The following ULK4 variants were observed in gnomAD, a reference collection of about 807,000 sequenced individuals.
ULK4 encodes unc-51 like kinase 4.
In ULK4, 133 loss-of-function variants were observed where a neutral mutation model predicts 160.6. That is an observed-to-expected ratio of 0.83 (90% CI 0.72 to 0.96). The LOEUF (loss-of-function observed/expected upper bound fraction) is 0.96. Ranked by LOEUF, ULK4 falls within the 40% of genes least tolerant of loss-of-function variation. ULK4 has a pLI of 0.00. For missense variants in ULK4, 1,580 were observed against 1,499.5 expected (o/e 1.05, Z -0.89); for synonymous variants, 534 against 539.8 (o/e 0.99, Z 0.15).
At position 41,651,844 on chromosome 3, in the gene ULK4, A is replaced by C. The variant is rs571174255; in HGVS notation, c.3071+11763T>G. ...AATACCCAGGCAGTTCTGACCAAAG[A>C]CCAACTAACTGCTAGCTTCCAACAT... On this transcript the variant is annotated intron_variant, in intron 30 of 36. Coordinates refer to ENST00000301831, the MANE Select transcript of ULK4 (RefSeq NM_017886.4). Among the ~76,000 whole-genome samples, 8 of 152,292 alleles carry C rather than the reference A, an allele frequency of 5.3e-5. No homozygotes were observed. The East Asian group carries it at 1.5e-3, about 29-fold the overall frequency.
intron 35 of ULK4, among the ~76,000 whole-genome samples, chr3:41,264,556 A>G (rs1472043404): frequency 6.6e-6 from 1 of 152,204 alleles, no homozygotes; most frequent in African/African-American, 2.4e-5. Flanking sequence ...CAAACAGGAG[A>G]AGAGTCTGCC....
chr3:41,363,522 A>G lies in ULK4; in HGVS notation c.3678+34557T>C, dbSNP rs144394044. ...TCTGGTTCTTGCTGAGGCAAGCAAT[A>G]AAAATGTGTGCATTATGCAGTGTAC... On this transcript the variant is annotated intron_variant, in intron 35 of 36. Coordinates refer to ENST00000301831, the MANE Select transcript of ULK4 (RefSeq NM_017886.4). 3.3e-5 allele frequency among the ~76,000 whole-genome samples: 5 copies of G among 152,352 alleles called. No homozygotes were observed. In the East Asian group the frequency reaches 9.6e-4, roughly 29 times the overall value.
At chr3:41,943,402 T>A (rs1032076630) in intron 2 of ULK4, among the ~76,000 whole-genome samples, 1 of 152,142 alleles carries the variant, frequency 6.6e-6, no homozygotes, top group Non-Finnish European at 1.5e-5. Context: ...CATCCTAGCC[T>A]GTGACCATAT....
At chr3:41,704,225 T>A (rs1317532581) in intron 27 of ULK4, among the ~76,000 whole-genome samples, 1 of 152,120 alleles carries the variant, frequency 6.6e-6, no homozygotes, top group Non-Finnish European at 1.5e-5. Flanking sequence ...GGTCAAATGC[T>A]AAATGGGACA....
At chr3:41,266,270 T>C (rs570438763) in intron 35 of ULK4, among the ~76,000 whole-genome samples, 1 of 152,278 alleles carries the variant, frequency 6.6e-6, no homozygotes, top group Admixed American at 6.5e-5. Context: ...GACCACCATG[T>C]AGCAATCACT....
intron 18 of ULK4, among the ~76,000 whole-genome samples, chr3:41,831,346 T>C (rs1208876273): frequency 1.3e-5 from 2 of 150,302 alleles, no homozygotes; most frequent in Non-Finnish European, 3.0e-5. Flanking sequence ...GAGCTACAAG[T>C]ACTGACTGAG....
intron 32 of ULK4, among the ~76,000 whole-genome samples, chr3:41,554,820 C>G (rs1035542201): frequency 1.3e-5 from 2 of 151,898 alleles, no homozygotes; most frequent in South Asian, 4.2e-4. Context: ...TAAATGTGTA[C>G]AAATATTATG....
intron 12 of ULK4, among the ~76,000 whole-genome samples, chr3:41,905,527 A>G (rs569833534): frequency 1.0e-3 from 155 of 152,310 alleles, no homozygotes; most frequent in South Asian, 5.4e-3. Flanking sequence ...TTTGTGCTTC[A>G]AAGGACACCA....
intron 19 of ULK4, among the ~76,000 whole-genome samples, chr3:41,818,968 T>C (rs2041054772): frequency 6.6e-6 from 1 of 152,192 alleles, no homozygotes; most frequent in South Asian, 2.1e-4. Context: ...CATCACGTAA[T>C]AAATACTACT....
At chr3:41,687,047 C>G (rs1168371965) in intron 27 of ULK4, among the ~76,000 whole-genome samples, 2 of 152,042 alleles carry the variant, frequency 1.3e-5, no homozygotes, top group African/African-American at 4.8e-5. Context: ...TGCACCACTG[C>G]ACTCCAGCCT....
chr3:41,668,324 A>G lies in ULK4; in HGVS notation c.2979-4625T>C, dbSNP rs553373449. Among the ~76,000 whole-genome samples the G allele has an allele frequency of 9.8e-5, 15 of 152,294 alleles. No homozygotes were observed. The South Asian group carries it at 3.1e-3, about 32-fold the overall frequency. ...AATAATTATTACATATAAAGAATAC[A>G]CGTATACAGTCATGTGCCACATAAT... On this transcript the variant is annotated intron_variant, in intron 29 of 36. Transcript: ENST00000301831.
chr3:41,585,086 T>C (rs193055318), intron 31 of ULK4, among the ~76,000 whole-genome samples: 7 of 152,298 alleles, frequency 4.6e-5, no homozygotes, highest in African/African-American at 1.7e-4. Flanking sequence ...ATGTCCACAC[T>C]ACTCAAAGTG....
chr3:41,940,069 C>T (rs747513669), intron 2 of ULK4, among the ~76,000 whole-genome samples: 5 of 151,660 alleles, frequency 3.3e-5, no homozygotes, highest in Non-Finnish European at 7.4e-5. Flanking sequence ...CACTTCTAGT[C>T]TTAAAGCTTG....
intron 32 of ULK4, among the ~76,000 whole-genome samples, chr3:41,492,875 T>A (rs1420387034): frequency 7.0e-6 from 1 of 141,944 alleles, no homozygotes; most frequent in Non-Finnish European, 1.5e-5. Context: ...CAAGAAGAGC[T>A]AACTATCCTA....
chr3:41,661,096 G>A (rs910691067), intron 30 of ULK4, among the ~76,000 whole-genome samples: 15 of 151,854 alleles, frequency 9.9e-5, no homozygotes, highest in African/African-American at 3.1e-4. Flanking sequence ...CAAATCCTTC[G>A]AAGTAGAATT....
chr3:41,573,048 G>C (rs572444515), intron 31 of ULK4, among the ~76,000 whole-genome samples: 2 of 152,270 alleles, frequency 1.3e-5, no homozygotes, highest in Admixed American at 1.3e-4. Context: ...CATAAGCCCA[G>C]CTGACCTAAT....
intron 5 of ULK4, among the ~76,000 whole-genome samples, chr3:41,927,553 C>A (rs1484150176): frequency 2.0e-5 from 3 of 151,206 alleles, no homozygotes; most frequent in African/African-American, 7.3e-5. Context: ...CATAGACTGA[C>A]AAATTGAATG....
rs55741060 is a variant in ULK4 at position 41,865,271 on chromosome 3, TAAAAAAAAAA to T, written c.1656+18593_1656+18602del. ...GGGCAACAGAGCAAGACTCTGTCTT[TAAAAAAAAAA>T]AAAAAAAAAAAAAAAAAAAAAAAAG... On this transcript the variant is annotated intron_variant, in intron 17 of 36. Coordinates refer to ENST00000301831, the MANE Select transcript of ULK4 (RefSeq NM_017886.4). Among the ~76,000 whole-genome samples the T allele has an allele frequency of 7.5e-3, 224 of 29,900 alleles. 1 individual carries two copies. The highest frequency in any genetic ancestry group is 0.07 in the Admixed American group (124 of 1,778). The allele number at this position is 29,900 out of a possible 152,430, so 19.6% of individuals were successfully genotyped here.
chr3:41,925,665 C>G (rs566544015), intron 5 of ULK4, among the ~76,000 whole-genome samples: 1 of 152,186 alleles, frequency 6.6e-6, no homozygotes, highest in African/African-American at 2.4e-5. Flanking sequence ...TTGAAATTCT[C>G]GCTGTCAGCA....
Sources: gnomAD v4.1 joint callset for allele counts (sites outside exome capture counted in the v4.1 genomes callset) on GRCh38, gnomAD v4.1.1 for gene constraint, MANE v1.5 for transcripts, NCBI Gene and HGNC (gene_info 2026-07-23, HGNC 2026-07-21) for gene names.